MBOAT1: variants seen among roughly 807,000 people sequenced by gnomAD.
MBOAT1 encodes membrane bound glycerophospholipid O-acyltransferase 1, also known as membrane-bound glycerophospholipid O-acyltransferase 1.
In MBOAT1, 67 loss-of-function variants were observed where a neutral mutation model predicts 64.4. The observed-to-expected ratio is 1.04, with a 90% CI of 0.85 to 1.27. MBOAT1 has a LOEUF of 1.27. MBOAT1 is among the 50% of genes most tolerant of loss of function. The pLI is 0.00. For missense variants in MBOAT1, 563 were observed against 604.6 expected, an observed-to-expected ratio of 0.93 and a Z score of 0.72; for synonymous variants, 229 against 218.9, an observed-to-expected ratio of 1.05 and a Z score of -0.41.
intron 4 of MBOAT1, among the ~76,000 whole-genome samples, chr6:20,139,327 C>T (rs1761097360): frequency 6.6e-6 from 1 of 152,082 alleles, no homozygotes; most frequent in Non-Finnish European, 1.5e-5. Flanking sequence ...GGGGTTTCAC[C>T]ATGTTGGACA....
chr6:20,163,169 T>G (rs1384605970), intron 1 of MBOAT1, among the ~76,000 whole-genome samples: 2 of 152,144 alleles, frequency 1.3e-5, no homozygotes, highest in African/African-American at 4.8e-5. Context: ...TCTACGTATT[T>G]CAGCCTGCCT....
At position 20,109,144 on chromosome 6, in the gene MBOAT1, T is replaced by C. The variant is rs114853449; in HGVS notation, c.1361+454A>G. On this transcript the variant is annotated intron_variant, in intron 12 of 12. Coordinates refer to ENST00000324607, the MANE Select transcript of MBOAT1 (RefSeq NM_001080480.3). The stretch of plus-strand genomic sequence containing the variant: ...TGGCAACATAAATCCCCCATCAGCC[T>C]CACCAGGGAGTCCTTCTGCACACCA... Among the ~76,000 whole-genome samples the C allele has an allele frequency of 7.8e-3, 1,184 of 152,140 alleles. 17 individuals carry two copies. The highest frequency in any genetic ancestry group is 0.027 in the African/African-American group (1,140 of 41,490).
intron 4 of MBOAT1, among the ~76,000 whole-genome samples, chr6:20,139,691 C>T (rs1761113966): frequency 6.6e-6 from 1 of 150,696 alleles, no homozygotes; most frequent in Non-Finnish European, 1.5e-5. Context: ...ATAGCTGGGA[C>T]TACAGGTACA....
chr6:20,182,966 G>T (rs1166852189), intron 1 of MBOAT1, among the ~76,000 whole-genome samples: 2 of 152,136 alleles, frequency 1.3e-5, no homozygotes, highest in African/African-American at 4.8e-5. Context: ...AACAGTTTCA[G>T]AAAACACAAT....
intron 4 of MBOAT1, among the ~76,000 whole-genome samples, chr6:20,142,302 G>A (rs1341500976): frequency 2.0e-5 from 3 of 152,142 alleles, no homozygotes; most frequent in Admixed American, 2.0e-4. Flanking sequence ...GGGCTCTGGG[G>A]TGAAACCAAA....
At chr6:20,125,816 C>G in intron 7 of MBOAT1, 1 of 399,692 alleles carries the variant, frequency 2.5e-6, no homozygotes, top group South Asian at 1.9e-5. Context: ...TTTGCCAAGG[C>G]GTTAGCAGTT....
chr6:20,110,076 A>G (rs888376368), intron 11 of MBOAT1, among the ~76,000 whole-genome samples: 2 of 151,240 alleles, frequency 1.3e-5, no homozygotes, highest in Non-Finnish European at 2.9e-5. Flanking sequence ...TGCCCTGCTA[A>G]TTTTTTGTAT....
intron 1 of MBOAT1, among the ~76,000 whole-genome samples, chr6:20,153,690 C>T (rs1761594655): frequency 6.6e-6 from 1 of 152,118 alleles, no homozygotes; most frequent in Non-Finnish European, 1.5e-5. Context: ...AGTGACACAG[C>T]CCTGCATTTA....
At chr6:20,176,843 C>T (rs747687872) in intron 1 of MBOAT1, among the ~76,000 whole-genome samples, 2 of 152,092 alleles carry the variant, frequency 1.3e-5, no homozygotes, top group Non-Finnish European at 2.9e-5. Context: ...AGGCTGGTCT[C>T]GGACTCCTGA....
intron 3 of MBOAT1, among the ~76,000 whole-genome samples, chr6:20,144,661 G>A (rs1244308250): frequency 1.3e-5 from 2 of 152,206 alleles, no homozygotes; most frequent in African/African-American, 2.4e-5. Context: ...TACCTGTAAG[G>A]TCTTGCACTC....
chr6:20,103,163 G>A (rs1039723941), intron 12 of MBOAT1, among the ~76,000 whole-genome samples: 1 of 152,174 alleles, frequency 6.6e-6, no homozygotes, highest in Non-Finnish European at 1.5e-5. Context: ...CAGAGGCACT[G>A]TTATCACAGG....
At chr6:20,109,479 C>T in intron 12 of MBOAT1, 119 bp downstream of exon 12, 1 of 1,266,730 alleles carries the variant, frequency 7.9e-7, no homozygotes, top group Admixed American at 2.3e-5. Context: ...ACACTTCCCA[C>T]ACTGAAGCCC....
intron 1 of MBOAT1, among the ~76,000 whole-genome samples, chr6:20,176,916 G>A (rs139154857): frequency 4.6e-5 from 7 of 152,226 alleles, no homozygotes; most frequent in African/African-American, 1.4e-4. Context: ...GAGCCACTAC[G>A]TCCAGCCTAC....
intron 1 of MBOAT1, among the ~76,000 whole-genome samples, chr6:20,168,271 C>A (rs1762067168): frequency 6.6e-6 from 1 of 151,968 alleles, no homozygotes; most frequent in Admixed American, 6.6e-5. Flanking sequence ...TCAACTAAAC[C>A]CTGATACTAT....
chr6:20,111,879 T>TACATATATATACATATATATATAC (rs1581396161), intron 11 of MBOAT1, among the ~76,000 whole-genome samples: 3 of 76,166 alleles, frequency 3.9e-5, no homozygotes, highest in African/African-American at 8.7e-5. Context: ...CATATATATA[T>TACATATATATACATATATATATAC]GTATATATAT....
At chr6:20,118,824 A>G (rs1433784811) in intron 8 of MBOAT1, among the ~76,000 whole-genome samples, 1 of 152,234 alleles carries the variant, frequency 6.6e-6, no homozygotes, top group Non-Finnish European at 1.5e-5. Context: ...AAATGAGAAT[A>G]AACAAGAAAC....
chr6:20,166,906 T>C (rs1272558353), intron 1 of MBOAT1, among the ~76,000 whole-genome samples: 1 of 150,874 alleles, frequency 6.6e-6, no homozygotes, highest in Admixed American at 6.6e-5. Flanking sequence ...GTCACTGCAC[T>C]CCAGCCTGGG....
intron 11 of MBOAT1, among the ~76,000 whole-genome samples, chr6:20,111,073 C>T (rs972042008): frequency 4.6e-5 from 7 of 152,128 alleles, no homozygotes; most frequent in South Asian, 4.1e-4. Context: ...TCATGATTCC[C>T]GTTTTACAGA....
At chr6:20,167,303 AT>A (rs759639205) in intron 1 of MBOAT1, among the ~76,000 whole-genome samples, 9 of 152,166 alleles carry the variant, frequency 5.9e-5, no homozygotes, top group African/African-American at 2.2e-4. Flanking sequence ...AATAGTACCT[AT>A]TTTTTAAATT....
Sources: allele counts gnomAD v4.1 joint callset (sites outside exome capture counted in the v4.1 genomes callset), GRCh38; gene constraint gnomAD v4.1.1; transcripts MANE v1.5; gene names NCBI Gene and HGNC (gene_info 2026-07-23, HGNC 2026-07-21).